MTHFD2L: variants seen among roughly 807,000 people sequenced by gnomAD.
MTHFD2L encodes bifunctional methylenetetrahydrofolate dehydrogenase/cyclohydrolase 2, mitochondrial.
MTHFD2L carries 29 observed loss-of-function variants against 34.9 expected under a neutral mutation model. That is an observed-to-expected ratio of 0.83 (90% confidence interval 0.62 to 1.13). The LOEUF is 1.13. MTHFD2L is among the 50% of genes most tolerant of loss of function. The pLI, the probability that MTHFD2L is intolerant of heterozygous loss-of-function variation, is 0.00. For synonymous variants in MTHFD2L, 167 were observed against 155.7 expected (o/e 1.07, Z -0.54); for missense variants, 481 against 446.5 (o/e 1.08, Z -0.70).
intron 1 of MTHFD2L, among the ~76,000 whole-genome samples, chr4:74,137,990 TAATATA>T (rs1389427988): frequency 6.6e-6 from 1 of 151,780 alleles, no homozygotes; most frequent in Non-Finnish European, 1.5e-5. Flanking sequence ...GGGGGAAAAA[TAATATA>T]AATATATTTA....
intron 1 of MTHFD2L, among the ~76,000 whole-genome samples, chr4:74,142,747 T>C (rs1723353835): frequency 1.3e-5 from 2 of 152,178 alleles, no homozygotes; most frequent in African/African-American, 4.8e-5. Context: ...GCACTCCAGT[T>C]TTAGAAGCAA....
At chr4:74,174,894 A>G (rs1025522522) in intron 2 of MTHFD2L, among the ~76,000 whole-genome samples, 1 of 152,106 alleles carries the variant, frequency 6.6e-6, no homozygotes, top group Non-Finnish European at 1.5e-5. Flanking sequence ...AGTGTGTTTT[A>G]TATTCTATGG....
At chr4:74,124,927 T>C (rs908242804), upstream of MTHFD2L, among the ~76,000 whole-genome samples, 2 of 151,964 alleles carry the variant, frequency 1.3e-5, no homozygotes, top group Non-Finnish European at 2.9e-5. Flanking sequence ...GAGAGTACAA[T>C]GGTAAACAGA....
intron 3 of MTHFD2L, chr4:74,190,455 C>T (rs150473521): frequency 1.1e-4 from 105 of 985,146 alleles, no homozygotes; most frequent in Non-Finnish European, 1.3e-4. Context: ...GGGCAGTTTT[C>T]GTGGCTGTAG....
rs771052659 is a variant in MTHFD2L at position 74,175,274 on chromosome 4, C to A, written c.329-7C>A. On this transcript the variant is annotated splice_region_variant and splice_polypyrimidine_tract_variant and intron_variant, in intron 2 of 7. Transcript: ENST00000325278. ...CAAGTGACCTTCTCTACCTGTTTTTCTTCTAGGTATTTGTAGTGAGCTCAT... is the reference window on the plus strand; with the variant it reads ...CAAGTGACCTTCTCTACCTGTTTTTATTCTAGGTATTTGTAGTGAGCTCAT... 6.2e-6 allele frequency: 10 copies of A among 1,609,444 alleles called. No individual in the cohort carries two copies. The highest frequency in any genetic ancestry group is 8.5e-6 in the Non-Finnish European group (10 of 1,178,188).
chr4:74,168,134 A>G (rs1357765261), intron 1 of MTHFD2L, among the ~76,000 whole-genome samples: 1 of 152,196 alleles, frequency 6.6e-6, no homozygotes, highest in East Asian at 1.9e-4. Flanking sequence ...TTAAAAGTGA[A>G]AGTCACGTCA....
At chr4:74,135,517 C>T (rs1578236646) in intron 1 of MTHFD2L, among the ~76,000 whole-genome samples, 1 of 152,018 alleles carries the variant, frequency 6.6e-6, no homozygotes, top group South Asian at 2.1e-4. Flanking sequence ...TAAAAAGTCT[C>T]CCATCAAAGA....
At chr4:74,144,122 G>C (rs1036033416) in intron 1 of MTHFD2L, among the ~76,000 whole-genome samples, 5 of 152,100 alleles carry the variant, frequency 3.3e-5, no homozygotes, top group Admixed American at 1.3e-4. Flanking sequence ...GTATTCCTCA[G>C]TACATAAGAT....
At chr4:74,221,358 GAA>G (rs1182697681) in intron 5 of MTHFD2L, among the ~76,000 whole-genome samples, 1 of 151,644 alleles carries the variant, frequency 6.6e-6, no homozygotes, top group African/African-American at 2.4e-5. Context: ...CATGAACTGA[GAA>G]AGTTATTCAA....
intron 3 of MTHFD2L, chr4:74,195,437 G>C (rs573337118): frequency 8.5e-5 from 13 of 152,296 alleles, no homozygotes; most frequent in African/African-American, 2.9e-4. Context: ...ACTCAAAGTA[G>C]AGTAGTATCA....
At chr4:74,256,331 GA>G (rs1365564834) in intron 6 of MTHFD2L, among the ~76,000 whole-genome samples, 1 of 152,002 alleles carries the variant, frequency 6.6e-6, no homozygotes, top group Non-Finnish European at 1.5e-5. Flanking sequence ...GGCTGGTCTT[GA>G]ACTCCTGACC....
rs1372892627 is a variant in MTHFD2L at position 74,175,297 on chromosome 4, C to T, written c.345C>T (p.Leu115=). Residue 115 remains leucine (L), a synonymous_variant, in exon 3 of 8, where the codon CTC becomes CTT. Coordinates refer to ENST00000325278, the MANE Select transcript of MTHFD2L (RefSeq NM_001144978.3). The part of the protein sequence containing the change: ...AASAVGICSE[L]ILKPKDVSQE... ...TTCTTCTAGGTATTTGTAGTGAGCT[C>T]ATTCTAAAACCTAAGGATGTTTCTC... 4 of 1,612,814 alleles carry T rather than the reference C, an allele frequency of 2.5e-6. No individual in the cohort carries two copies. The highest frequency in any genetic ancestry group is 2.2e-5 in the East Asian group (1 of 44,836).
chr4:74,181,590 C>T (rs1358231068), intron 3 of MTHFD2L: 1 of 152,104 alleles, frequency 6.6e-6, no homozygotes, highest in African/African-American at 2.4e-5. Flanking sequence ...GCTTGCTTAC[C>T]CGCTTTGTAT....
At chr4:74,117,399 G>T (rs1271700906) in intron 2 of MTHFD2L, among the ~76,000 whole-genome samples, 1 of 152,200 alleles carries the variant, frequency 6.6e-6, no homozygotes, top group Non-Finnish European at 1.5e-5. Flanking sequence ...AGTCAGTTAA[G>T]AAAAGGTACA....
intron 5 of MTHFD2L, among the ~76,000 whole-genome samples, chr4:74,213,017 C>G (rs1014816263): frequency 2.0e-5 from 3 of 151,896 alleles, no homozygotes; most frequent in African/African-American, 7.3e-5. Flanking sequence ...GATTGCAACC[C>G]CTGCTTTTTT....
At chr4:74,208,210 A>C (rs1735681708) in intron 5 of MTHFD2L, among the ~76,000 whole-genome samples, 1 of 152,254 alleles carries the variant, frequency 6.6e-6, no homozygotes, top group South Asian at 2.1e-4. Context: ...GAATTTGGGT[A>C]GTGGAAGACT....
chr4:74,196,536 T>G (rs1242480735), intron 3 of MTHFD2L, among the ~76,000 whole-genome samples: 1 of 152,228 alleles, frequency 6.6e-6, no homozygotes, highest in Non-Finnish European at 1.5e-5. Flanking sequence ...GGTGGCATTT[T>G]TAAACAGTAA....
At chr4:74,176,823 G>T (rs1023077188) in intron 3 of MTHFD2L, among the ~76,000 whole-genome samples, 3 of 151,958 alleles carry the variant, frequency 2.0e-5, no homozygotes, top group Admixed American at 6.6e-5. Flanking sequence ...GTAGTTTTGA[G>T]TTCTGTAAGC....
chr4:74,303,074 G>A lies in MTHFD2L; in HGVS notation c.*1265G>A, dbSNP rs931762108. The A allele has an allele frequency of 6.6e-6, 1 of 152,100 alleles. No individual in the cohort carries two copies. The highest frequency in any genetic ancestry group is 2.4e-5 in the African/African-American group (1 of 41,422). The allele number at this position is 152,100 out of a possible 1,614,324, so 9.4% of individuals were successfully genotyped here. On this transcript the variant is annotated 3_prime_UTR_variant, in exon 8 of 8. Coordinates refer to ENST00000325278, the MANE Select transcript of MTHFD2L (RefSeq NM_001144978.3). ...GTTTATAATTAATACCATTACAACTGTATAATAAAAGCAATTTGAAGAAAA... is the reference window on the plus strand; with the variant it reads ...GTTTATAATTAATACCATTACAACTATATAATAAAAGCAATTTGAAGAAAA...
Sources: allele counts gnomAD v4.1 joint callset (sites outside exome capture counted in the v4.1 genomes callset), GRCh38; gene constraint gnomAD v4.1.1; transcripts MANE v1.5; gene names NCBI Gene and HGNC (gene_info 2026-07-23, HGNC 2026-07-21).